The following DENND5B variants were observed in gnomAD, a reference collection of about 807,000 sequenced individuals.
DENND5B encodes the protein DENN domain containing 5B.
A neutral mutation model predicts 140.6 loss-of-function variants in DENND5B; 34 were observed. The ratio of observed to expected loss-of-function variants is 0.24; its 90% CI spans 0.18 to 0.32. The LOEUF (loss-of-function observed/expected upper bound fraction) is 0.32, where lower values mean the gene tolerates loss of function less well. Among genes scored for constraint, DENND5B ranks in the 10% least tolerant of loss-of-function variants. The probability of loss-of-function intolerance (pLI) is 1.00; values close to 1 mark genes in which losing one functional copy is unlikely to be tolerated. For missense variants in DENND5B, 1,142 were observed against 1,560.2 expected (o/e 0.73, Z 4.52); for synonymous variants, 551 against 562.1 (o/e 0.98, Z 0.28).
chr12:31,395,191 G>A (rs1356517658), intron 17 of DENND5B, among the ~76,000 whole-genome samples: 1 of 152,130 alleles, frequency 6.6e-6, no homozygotes, highest in African/African-American at 2.4e-5. Flanking sequence ...CCAAGCGTAC[G>A]GTAAGTGTGC....
intron 13 of DENND5B, 41 bp from the exon 14 acceptor site, chr12:31,409,425 GAAAA>G: frequency 3.9e-6 from 4 of 1,033,096 alleles, no homozygotes; most frequent in East Asian, 4.6e-5. Flanking sequence ...TAGTATCAAA[GAAAA>G]AAAAAAAAAA....
intron 7 of DENND5B, among the ~76,000 whole-genome samples, chr12:31,433,918 C>T (rs577324238): frequency 2.0e-5 from 3 of 152,224 alleles, no homozygotes; most frequent in Middle Eastern, 3.4e-3. Flanking sequence ...TAATTTGAGC[C>T]CAGGAGTTTG....
At position 31,423,616 on chromosome 12, in the gene DENND5B, C is replaced by T. The variant is rs370769511; in HGVS notation, c.2451G>A (p.Glu817=). The T allele has an allele frequency of 6.2e-7, 1 of 1,613,928 alleles. No homozygotes were observed. Among genetic ancestry groups the T allele is most frequent in the African/African-American group, 1.3e-5 (1 of 75,036 alleles). The part of the protein sequence containing the change: ...IQFQDREEKQ[E]HLAESPVALG... ...TCATACCTGGTGATTCTGCAAGGTG[C>T]TCTTGTTTCTCTTCTCTGTCCTGAA... is the stretch of plus-strand genomic sequence containing the variant. The change falls in exon 11 of 21, where the codon GAG becomes GAA. Residue 817 remains glutamate, a synonymous_variant. Transcript: ENST00000389082.
At chr12:31,580,303 C>T (rs1732091884) in intron 1 of DENND5B, among the ~76,000 whole-genome samples, 4 of 151,918 alleles carry the variant, frequency 2.6e-5, no homozygotes, top group South Asian at 4.2e-4. Context: ...TTTTATTTAC[C>T]GTATCTTATT....
intron 11 of DENND5B, among the ~76,000 whole-genome samples, chr12:31,420,559 T>A (rs1942973159): frequency 1.3e-5 from 2 of 151,918 alleles, no homozygotes; most frequent in African/African-American, 2.4e-5. Context: ...TACTCATGCC[T>A]CAGCCTCCTG....
chr12:31,447,483 T>C, intron 6 of DENND5B, 55 bp downstream of exon 6: 1 of 1,482,228 alleles, frequency 6.7e-7, no homozygotes, highest in Non-Finnish European at 9.1e-7. Flanking sequence ...CAGCAATTTG[T>C]GGGAAAAAAG....
At chr12:31,400,765 A>G (rs1565542652) in intron 15 of DENND5B, among the ~76,000 whole-genome samples, 1 of 151,914 alleles carries the variant, frequency 6.6e-6, no homozygotes, top group Non-Finnish European at 1.5e-5. Flanking sequence ...ATTGTTGACT[A>G]TAGTCACCCT....
chr12:31,464,332 C>T (rs1207228339), intron 3 of DENND5B, among the ~76,000 whole-genome samples: 1 of 152,168 alleles, frequency 6.6e-6, no homozygotes, highest in African/African-American at 2.4e-5. Context: ...CACTGCCTGA[C>T]TAGGTTCCAC....
chr12:31,448,547 A>G (rs890591618), intron 5 of DENND5B, among the ~76,000 whole-genome samples: 1 of 152,236 alleles, frequency 6.6e-6, no homozygotes, highest in African/African-American at 2.4e-5. Context: ...TAATCTTAAA[A>G]AAGACATGGA....
chr12:31,514,739 T>A (rs1447034549), intron 1 of DENND5B, among the ~76,000 whole-genome samples: 1 of 151,654 alleles, frequency 6.6e-6, no homozygotes, highest in Non-Finnish European at 1.5e-5. Flanking sequence ...ATCACTTGAA[T>A]CTGATTCAGG....
intron 17 of DENND5B, among the ~76,000 whole-genome samples, chr12:31,395,620 CAAA>C (rs541518296): frequency 3.3e-5 from 5 of 151,792 alleles, no homozygotes; most frequent in African/African-American, 1.2e-4. Flanking sequence ...AACAAAAAAA[CAAA>C]AAAACTGCAC....
At chr12:31,472,941 G>A (rs1945627473) in intron 3 of DENND5B, among the ~76,000 whole-genome samples, 1 of 146,656 alleles carries the variant, frequency 6.8e-6, no homozygotes, top group Non-Finnish European at 1.5e-5. Context: ...TTCTAGTGAA[G>A]TCTTTTTAAA....
intron 4 of DENND5B, among the ~76,000 whole-genome samples, chr12:31,457,277 C>T (rs1042128030): frequency 6.6e-6 from 1 of 152,180 alleles, no homozygotes; most frequent in African/African-American, 2.4e-5. Flanking sequence ...TCTCTCTATC[C>T]TACTCCCTAA....
At chr12:31,566,338 C>CTGTGTGTGTGTGTG (rs6144677) in intron 1 of DENND5B, among the ~76,000 whole-genome samples, 172 of 148,594 alleles carry the variant, frequency 1.2e-3, no homozygotes, top group Middle Eastern at 6.9e-3. Flanking sequence ...CTCTTAAAAA[C>CTGTGTGTGTGTGTG]TGTGTGTGTG....
At position 31,387,580 on chromosome 12, in the gene DENND5B, C is replaced by T. The variant is rs1423284934; in HGVS notation, c.*23G>A. ...AGTTGGGGAAGGAGCAAGGTTTGGA[C>T]TGAGAGTTTCTAGCCAGTTGGGTTA... On this transcript the variant is annotated 3_prime_UTR_variant, in exon 21 of 21. Coordinates refer to ENST00000389082, the MANE Select transcript of DENND5B (RefSeq NM_144973.4). The T allele has an allele frequency of 6.2e-7, 1 of 1,606,734 alleles. No individual in the cohort carries two copies. The highest frequency in any genetic ancestry group is 8.5e-7 in the Non-Finnish European group (1 of 1,174,628).
At chr12:31,542,375 T>C (rs1029481711) in intron 1 of DENND5B, among the ~76,000 whole-genome samples, 3 of 149,340 alleles carry the variant, frequency 2.0e-5, no homozygotes, top group Non-Finnish European at 3.0e-5. Flanking sequence ...GGGTAGAAGG[T>C]AGGATGGGGG....
chr12:31,508,419 G>T (rs1345281311), intron 1 of DENND5B, among the ~76,000 whole-genome samples: 1 of 152,176 alleles, frequency 6.6e-6, no homozygotes, highest in Non-Finnish European at 1.5e-5. Flanking sequence ...TTACAAGGTA[G>T]AGAAGGGGGT....
intron 2 of DENND5B, among the ~76,000 whole-genome samples, chr12:31,490,748 A>G (rs1946492577): frequency 1.3e-5 from 2 of 152,228 alleles, no homozygotes; most frequent in Admixed American, 6.5e-5. Context: ...TAAGTCTACA[A>G]AAAGTATATA....
intron 1 of DENND5B, among the ~76,000 whole-genome samples, chr12:31,573,122 GA>G (rs1949881043): frequency 6.6e-6 from 1 of 152,112 alleles, no homozygotes; most frequent in South Asian, 2.1e-4. Flanking sequence ...AGAGGTCAGG[GA>G]ACAGGGTACA....
Sources: allele counts gnomAD v4.1 joint callset (sites outside exome capture counted in the v4.1 genomes callset), GRCh38; gene constraint gnomAD v4.1.1; transcripts MANE v1.5; gene names NCBI Gene and HGNC (gene_info 2026-07-23, HGNC 2026-07-21).